Variants in CD200R1 observed in about 807,000 individuals in gnomAD.
CD200R1 encodes the protein CD200 receptor 1.
CD200R1 carries 30 observed loss-of-function variants against 38.1 expected under a neutral mutation model. That is an observed-to-expected ratio of 0.79 (90% confidence interval 0.59 to 1.07). CD200R1 has a LOEUF of 1.07. Ranked by LOEUF, CD200R1 falls within the 50% of genes least tolerant of loss-of-function variation. CD200R1 has a pLI of 0.00. For synonymous variants in CD200R1, 128 were observed against 152.1 expected (o/e 0.84, Z 1.16); for missense variants, 372 against 415.4 (o/e 0.90, Z 0.91).
At position 112,955,294 on chromosome 3, in the gene CD200R1, T is replaced by C. The variant is rs544285177; in HGVS notation, c.68-7370A>G. 6.8e-4 allele frequency among the ~76,000 whole-genome samples: 103 copies of C among 152,294 alleles called. 1 individual carries two copies. Among genetic ancestry groups the C allele is most frequent in the Non-Finnish European group, 5.1e-4 (35 of 68,012 alleles). ...TTAAATGTGATGTCTCACTGAACTT[T>C]TCGCCTGGATGGTCTGTCCATTGCT... is the stretch of plus-strand genomic sequence containing the variant. On this transcript the variant is annotated intron_variant, in intron 1 of 7. Transcript: ENST00000308611.
chr3:112,922,885 A>G lies in CD200R1; in HGVS notation c.*792T>C, dbSNP rs1225756491. 1.3e-5 allele frequency: 2 copies of G among 151,900 alleles called. No individual in the cohort carries two copies. The highest frequency in any genetic ancestry group is 1.9e-4 in the East Asian group (1 of 5,186). The allele number at this position is 151,900 out of a possible 1,614,324, so 9.4% of individuals were successfully genotyped here. A position where few individuals can be genotyped will look rare whatever the true frequency, so the allele number is the denominator to read the frequency against. ...ATATATTTGACACAATTTAACATAT[A>G]TATCAATAGTAAAATGCACAAACCC... On this transcript the variant is annotated 3_prime_UTR_variant, in exon 8 of 8. Transcript: ENST00000308611.
At chr3:112,930,339 A>T (rs183145621) in intron 3 of CD200R1, among the ~76,000 whole-genome samples, 9 of 152,316 alleles carry the variant, frequency 5.9e-5, no homozygotes, top group East Asian at 1.9e-4. Flanking sequence ...ATGAGTTTTC[A>T]TTCCTTCCTA....
chr3:112,971,487 T>C (rs1933308638), intron 1 of CD200R1, among the ~76,000 whole-genome samples: 1 of 152,126 alleles, frequency 6.6e-6, no homozygotes, highest in Non-Finnish European at 1.5e-5. Context: ...AACTCCCTTC[T>C]CAGTCACATA....
intron 2 of CD200R1, among the ~76,000 whole-genome samples, chr3:112,940,321 G>A (rs1474285117): frequency 1.3e-5 from 2 of 151,188 alleles, no homozygotes; most frequent in Non-Finnish European, 3.0e-5. Flanking sequence ...TAAACACATG[G>A]GATTATATAA....
chr3:112,957,171 C>T (rs1351514525), intron 1 of CD200R1, among the ~76,000 whole-genome samples: 3 of 152,110 alleles, frequency 2.0e-5, no homozygotes, highest in Non-Finnish European at 4.4e-5. Context: ...TTAAAACTGA[C>T]GTCCTCTTCA....
In CD200R1 at chr3:112,923,568, G is replaced by C; in HGVS notation, c.*109C>G. 1.7e-6 allele frequency: 1 copy of C among 587,838 alleles called. No individual in the cohort carries two copies. Among genetic ancestry groups the C allele is most frequent in the Non-Finnish European group, 3.0e-6 (1 of 338,178 alleles). 36.4% of individuals were successfully genotyped at this position (587,838 alleles called of 1,614,324 possible). A position where few individuals can be genotyped will look rare whatever the true frequency, so the allele number is the denominator to read the frequency against. On this transcript the variant is annotated 3_prime_UTR_variant, in exon 8 of 8. Coordinates refer to ENST00000308611, the MANE Select transcript of CD200R1 (RefSeq NM_138806.4). ...CATTAAAATGTCTTCTAAGAACCTT[G>C]GAAAACCTAATTTCAATATAAGTCT...
intron 7 of CD200R1, 71 bp downstream of exon 7, chr3:112,924,419 T>C: frequency 1.7e-6 from 2 of 1,158,816 alleles, no homozygotes; most frequent in Non-Finnish European, 2.2e-6. Flanking sequence ...TGATACAAAC[T>C]ACAAATTATG....
chr3:112,953,418 T>C (rs749406053), intron 1 of CD200R1, among the ~76,000 whole-genome samples: 2 of 152,226 alleles, frequency 1.3e-5, no homozygotes, highest in Non-Finnish European at 2.9e-5. Flanking sequence ...AGTTTTCTTT[T>C]TATCTGGCGT....
chr3:112,929,724 T>C (rs1479932922), intron 3 of CD200R1, among the ~76,000 whole-genome samples: 1 of 152,070 alleles, frequency 6.6e-6, no homozygotes, highest in Non-Finnish European at 1.5e-5. Flanking sequence ...TTATGTATTA[T>C]TAGAAATATG....
At chr3:112,931,954 C>G (rs1940452389) in intron 2 of CD200R1, among the ~76,000 whole-genome samples, 1 of 152,120 alleles carries the variant, frequency 6.6e-6, no homozygotes, top group East Asian at 1.9e-4. Context: ...GGGACTTCCT[C>G]TTGCAGGGAA....
intron 1 of CD200R1, among the ~76,000 whole-genome samples, chr3:112,949,002 T>C (rs1940921812): frequency 6.6e-6 from 1 of 152,190 alleles, no homozygotes. Flanking sequence ...AGTAAGAGAT[T>C]AGGCATGCTT....
chr3:112,952,087 C>T (rs1940981841), intron 1 of CD200R1, among the ~76,000 whole-genome samples: 2 of 149,808 alleles, frequency 1.3e-5, no homozygotes, highest in Admixed American at 6.6e-5. Flanking sequence ...GTTTAAGCTA[C>T]ACTCTGAAGC....
chr3:112,963,097 C>G (rs1179644282), intron 1 of CD200R1, among the ~76,000 whole-genome samples: 1 of 152,202 alleles, frequency 6.6e-6, no homozygotes, highest in African/African-American at 2.4e-5. Flanking sequence ...TAAGATGTGC[C>G]TTTCACCTTC....
At chr3:112,941,293 A>G (rs1361610256) in intron 2 of CD200R1, among the ~76,000 whole-genome samples, 1 of 151,760 alleles carries the variant, frequency 6.6e-6, no homozygotes, top group Non-Finnish European at 1.5e-5. Flanking sequence ...TCAAAGAGCT[A>G]GAAGAAGATA....
chr3:112,971,065 T>A (rs1455776658), intron 1 of CD200R1, among the ~76,000 whole-genome samples: 1 of 152,164 alleles, frequency 6.6e-6, no homozygotes, highest in Non-Finnish European at 1.5e-5. Context: ...CACTAGAGTT[T>A]TCTATACAGT....
intron 1 of CD200R1, among the ~76,000 whole-genome samples, chr3:112,970,506 G>A (rs1933277162): frequency 6.6e-6 from 1 of 152,184 alleles, no homozygotes; most frequent in Non-Finnish European, 1.5e-5. Context: ...TATAACCACA[G>A]ATCTGCTCCC....
rs1387767674 is a variant in CD200R1, at chr3:112,929,181, G to T, written c.520+9C>A. ...GATGTGAAATACCTCAATATATGAT[G>T]CTCCTTACCTAACACTTGGAGGTGA... On this transcript the variant is annotated intron_variant, in intron 4 of 7. Coordinates refer to ENST00000308611, the MANE Select transcript of CD200R1 (RefSeq NM_138806.4). The T allele has an allele frequency of 1.2e-6, 2 of 1,614,100 alleles. No individual in the cohort carries two copies. The highest frequency in any genetic ancestry group is 3.3e-5 in the Admixed American group (2 of 60,014).
Position 112,928,847 on chromosome 3 carries a change from G to A in CD200R1, c.738C>T (p.Gly246=), listed in dbSNP as rs968916967. 1 of 1,613,530 alleles carries A rather than the reference G, an allele frequency of 6.2e-7. No homozygotes were observed. The highest frequency in any genetic ancestry group is 1.1e-5 in the South Asian group (1 of 91,060). Residue 246 remains glycine, a synonymous_variant, in exon 5 of 8, where the codon GGC becomes GGT. Transcript: ENST00000308611. ...GTAGCTCTATGTACAGACTCTTGTT[G>A]CCAGTCAAATGGGAGACGTGGCAGG... The part of the protein sequence containing the change: ...TVTCHVSHLT[G]NKSLYIELLP...
At chr3:112,961,108 GA>G (rs1487110042) in intron 1 of CD200R1, among the ~76,000 whole-genome samples, 2 of 151,954 alleles carry the variant, frequency 1.3e-5, no homozygotes, top group African/African-American at 4.8e-5. Flanking sequence ...GACAATTATA[GA>G]AAAAAATTTC....
Sources: allele counts gnomAD v4.1 joint callset (sites outside exome capture counted in the v4.1 genomes callset), GRCh38; gene constraint gnomAD v4.1.1; transcripts MANE v1.5; gene names NCBI Gene and HGNC (gene_info 2026-07-23, HGNC 2026-07-21).